Variants in OSBPL9 observed in about 807,000 individuals in gnomAD.
The protein encoded by OSBPL9 is oxysterol-binding protein-related protein 9.
Under a neutral mutation model 106.6 loss-of-function variants are expected in OSBPL9, and 40 were observed. The observed-to-expected ratio is 0.38, with a 90% CI of 0.29 to 0.49. The LOEUF (loss-of-function observed/expected upper bound fraction) is 0.49. OSBPL9 is among the 20% of genes least tolerant of loss of function. The probability of loss-of-function intolerance (pLI) is 0.97; values close to 1 mark genes in which losing one functional copy is unlikely to be tolerated. For synonymous variants in OSBPL9, 269 were observed against 295.4 expected (o/e 0.91, Z 0.92); for missense variants, 609 against 887.2 (o/e 0.69, Z 3.98).
At chr1:51,524,612 A>C in the OSBPL9 span, among the ~76,000 whole-genome samples, 9 of 152,372 alleles carry the variant, frequency 5.9e-5, no homozygotes, top group Admixed American at 5.2e-4. Context: ...AAATATTTTT[A>C]AAGGTTTTCA....
the OSBPL9 span, among the ~76,000 whole-genome samples, chr1:51,537,063 T>C: frequency 2.0e-5 from 3 of 152,268 alleles, no homozygotes; most frequent in African/African-American, 4.8e-5. Context: ...ATTACTGTGA[T>C]AGTTGCAAAC....
At chr1:51,711,897 C>T (rs1240751376) in intron 3 of OSBPL9, among the ~76,000 whole-genome samples, 18 of 151,708 alleles carry the variant, frequency 1.2e-4, no homozygotes, top group Non-Finnish European at 2.2e-4. Flanking sequence ...GATGGGATGG[C>T]GGCCGGGCAG....
chr1:51,549,642 G>A, the OSBPL9 span, among the ~76,000 whole-genome samples: 5 of 152,186 alleles, frequency 3.3e-5, no homozygotes, highest in Non-Finnish European at 5.9e-5. Context: ...GACCAGCCTG[G>A]CCAACATGAC....
At chr1:51,529,892 C>CT in the OSBPL9 span, among the ~76,000 whole-genome samples, 2 of 151,492 alleles carry the variant, frequency 1.3e-5, no homozygotes, top group Non-Finnish European at 2.9e-5. Context: ...TGAGAAGAGG[C>CT]TGGGTGCGGT....
At chr1:51,538,547 C>A in the OSBPL9 span, 1 of 151,934 alleles carries the variant, frequency 6.6e-6, no homozygotes, top group Non-Finnish European at 1.5e-5. Flanking sequence ...TTTTAGGATC[C>A]CTTCCATTCT....
At chr1:51,590,284 A>T (rs1557577414) in intron 1 of OSBPL9, among the ~76,000 whole-genome samples, 1 of 151,982 alleles carries the variant, frequency 6.6e-6, no homozygotes, top group Non-Finnish European at 1.5e-5. Flanking sequence ...CTGAGAGATG[A>T]TAGTGGCTTG....
intron 11 of OSBPL9, chr1:51,765,459 G>A (rs1011385076): frequency 1.3e-5 from 2 of 157,906 alleles, no homozygotes; most frequent in African/African-American, 4.8e-5. Flanking sequence ...TAGGTATCTG[G>A]ATCTGCAGTG....
chr1:51,754,847 G>GAC (rs1437449302), intron 8 of OSBPL9, among the ~76,000 whole-genome samples: 1 of 152,014 alleles, frequency 6.6e-6, no homozygotes, highest in African/African-American at 2.4e-5. Context: ...CTGTCACTCA[G>GAC]ACTGGAGTGC....
upstream of OSBPL9, among the ~76,000 whole-genome samples, chr1:51,576,205 T>C (rs1645182806): frequency 6.6e-6 from 1 of 152,224 alleles, no homozygotes; most frequent in Non-Finnish European, 1.5e-5. Flanking sequence ...CTCAACACTT[T>C]CTGTGGTCTC....
chr1:51,768,157 G>A (rs1673032692), intron 12 of OSBPL9, among the ~76,000 whole-genome samples: 1 of 151,982 alleles, frequency 6.6e-6, no homozygotes, highest in African/African-American at 2.4e-5. Context: ...TAGCCAGGAT[G>A]GTCTCGATCT....
the OSBPL9 span, chr1:51,518,334 G>A: frequency 6.6e-6 from 1 of 152,646 alleles, no homozygotes; most frequent in African/African-American, 2.4e-5. Context: ...TCGAGAACAG[G>A]TTTTGCTGAG....
rs58221259 is a variant in OSBPL9, at chr1:51,617,996, T to TTGTGTGTGTGTGTGTGTG, written c.111+786_111+803dup. ...ATGAATTGCTGTGAATCTTACGTGG[T>TTGTGTGTGTGTGTGTGTG]TGTGTGTGTGTGTGTGTGTGTGTGT... On this transcript the variant is annotated intron_variant, in intron 1 of 23. Transcript: ENST00000428468. 1.6e-3 allele frequency among the ~76,000 whole-genome samples: 230 copies of TTGTGTGTGTGTGTGTGTG among 145,758 alleles called. 1 individual carries two copies. Among genetic ancestry groups the TTGTGTGTGTGTGTGTGTG allele is most frequent in the African/African-American group, 5.6e-3 (221 of 39,432 alleles).
intron 3 of OSBPL9, among the ~76,000 whole-genome samples, chr1:51,696,661 C>T (rs1484337565): frequency 6.6e-6 from 1 of 152,138 alleles, no homozygotes; most frequent in Admixed American, 6.5e-5. Flanking sequence ...ACAAAACTGC[C>T]ACCACCAATT....
the OSBPL9 span, among the ~76,000 whole-genome samples, chr1:51,555,944 G>A: frequency 2.6e-5 from 4 of 152,124 alleles, no homozygotes; most frequent in Non-Finnish European, 5.9e-5. Flanking sequence ...ATTTACAATG[G>A]AAGGAAAAGA....
chr1:51,563,498 T>A, the OSBPL9 span: 1 of 152,112 alleles, frequency 6.6e-6, no homozygotes, highest in African/African-American at 2.4e-5. Flanking sequence ...GAGGGTACAG[T>A]CTTATTTGCG....
chr1:51,556,297 T>A, the OSBPL9 span, among the ~76,000 whole-genome samples: 3 of 152,252 alleles, frequency 2.0e-5, no homozygotes, highest in African/African-American at 7.2e-5. Flanking sequence ...TTTATAATTT[T>A]TTACTTTTGC....
rs192823133 is a variant in OSBPL9, at chr1:51,696,538, C to T, written c.242-17465C>T. 2.0e-3 allele frequency among the ~76,000 whole-genome samples: 312 copies of T among 152,268 alleles called. 1 individual carries two copies. The highest frequency in any genetic ancestry group is 3.0e-3 in the Non-Finnish European group (201 of 68,018). ...ATTCTAGTCGTTGCCTCTTTCTGCA[C>T]GTAAGATAATGTCCAACAAGATTAG... On this transcript the variant is annotated intron_variant, in intron 3 of 23. Transcript: ENST00000428468.
At chr1:51,679,183 CTTCT>C (rs1163125140) in intron 3 of OSBPL9, among the ~76,000 whole-genome samples, 1 of 152,096 alleles carries the variant, frequency 6.6e-6, no homozygotes, top group Non-Finnish European at 1.5e-5. Context: ...TACTTTTCTT[CTTCT>C]TTATTTGCTT....
chr1:51,588,965 G>A (rs573294846), intron 1 of OSBPL9, among the ~76,000 whole-genome samples: 1 of 152,318 alleles, frequency 6.6e-6, no homozygotes, highest in Admixed American at 6.5e-5. Context: ...AGAGAAAAAC[G>A]GAGAGACAGA....
Sources: allele counts gnomAD v4.1 joint callset (sites outside exome capture counted in the v4.1 genomes callset), GRCh38; gene constraint gnomAD v4.1.1; transcripts MANE v1.5; gene names NCBI Gene and HGNC (gene_info 2026-07-23, HGNC 2026-07-21).